The following DLG2 variants were observed in gnomAD, a reference collection of about 807,000 sequenced individuals.
The protein encoded by DLG2 is disks large homolog 2.
In DLG2, 45 loss-of-function variants were observed where a neutral mutation model predicts 132.5. The observed-to-expected ratio is 0.34, with a 90% CI of 0.27 to 0.44. DLG2 has a LOEUF of 0.44. Ranked by LOEUF, DLG2 falls within the 20% of genes least tolerant of loss-of-function variation. The probability of loss-of-function intolerance (pLI) is 1.00; values close to 1 mark genes in which losing one functional copy is unlikely to be tolerated. For synonymous variants in DLG2, 424 were observed against 419.6 expected (o/e 1.01, Z -0.13); for missense variants, 1,045 against 1,196.9 (o/e 0.87, Z 1.87).
At chr11:84,187,035 A>G (rs889473218) in intron 8 of DLG2, among the ~76,000 whole-genome samples, 3 of 151,616 alleles carry the variant, frequency 2.0e-5, no homozygotes, top group Non-Finnish European at 4.4e-5. Context: ...AATAAAGTAC[A>G]CTTCACACTG....
chr11:85,159,514 G>T (rs1594936482), intron 4 of DLG2, among the ~76,000 whole-genome samples: 2 of 152,168 alleles, frequency 1.3e-5, no homozygotes, highest in Non-Finnish European at 1.5e-5. Flanking sequence ...AAGATGCAGG[G>T]GTGGCAATTC....
chr11:84,646,329 A>G (rs1167584800), intron 6 of DLG2, among the ~76,000 whole-genome samples: 1 of 151,600 alleles, frequency 6.6e-6, no homozygotes, highest in East Asian at 1.9e-4. Context: ...GAAAAGAAGG[A>G]CTTTTCGAAG....
intron 9 of DLG2, among the ~76,000 whole-genome samples, chr11:84,138,480 C>T (rs2094696805): frequency 1.3e-5 from 2 of 152,166 alleles, no homozygotes; most frequent in Admixed American, 6.5e-5. Flanking sequence ...TCGATCAAAC[C>T]AAACAGGCTG....
chr11:83,931,997 T>G (rs1489946379), intron 14 of DLG2, among the ~76,000 whole-genome samples: 1 of 152,246 alleles, frequency 6.6e-6, no homozygotes. Context: ...TGTTATTTTG[T>G]ACATTCACTG....
At chr11:85,541,104 T>C (rs946473416) in intron 3 of DLG2, among the ~76,000 whole-genome samples, 2 of 152,186 alleles carry the variant, frequency 1.3e-5, no homozygotes, top group Non-Finnish European at 2.9e-5. Flanking sequence ...TCTTTCCAGG[T>C]CCATAAGGCG....
At chr11:84,325,354 T>A (rs2098425373) in intron 7 of DLG2, among the ~76,000 whole-genome samples, 1 of 152,044 alleles carries the variant, frequency 6.6e-6, no homozygotes, top group South Asian at 2.1e-4. Context: ...ATGCTATTCC[T>A]CCCCCAACCC....
intron 6 of DLG2, among the ~76,000 whole-genome samples, chr11:84,809,286 C>A (rs1376961806): frequency 6.6e-6 from 1 of 151,830 alleles, no homozygotes; most frequent in East Asian, 1.9e-4. Flanking sequence ...ACTTTCTCAA[C>A]TCAATAAAGT....
At chr11:84,177,203 G>A (rs534527575) in intron 8 of DLG2, among the ~76,000 whole-genome samples, 4 of 152,004 alleles carry the variant, frequency 2.6e-5, no homozygotes, top group Non-Finnish European at 5.9e-5. Flanking sequence ...GGTCTTGCTT[G>A]CCAAGTTTTC....
chr11:83,719,858 G>A (rs2087861725), intron 18 of DLG2, among the ~76,000 whole-genome samples: 1 of 152,094 alleles, frequency 6.6e-6, no homozygotes, highest in Non-Finnish European at 1.5e-5. Context: ...CAGTCAATAA[G>A]GAGACAGGAG....
intron 5 of DLG2, among the ~76,000 whole-genome samples, chr11:85,144,349 CTTTTT>C (rs35874789): frequency 7.2e-6 from 1 of 138,060 alleles, no homozygotes; most frequent in Non-Finnish European, 1.6e-5. Flanking sequence ...ATAATTGGGT[CTTTTT>C]TTTTTTTTTT....
rs1227870541 is a variant in DLG2 at position 84,873,944 on chromosome 11, AACG to A, written c.357+237714_357+237716del. Among the ~76,000 whole-genome samples the A allele has an allele frequency of 3.3e-5, 5 of 152,316 alleles. No homozygotes were observed. The South Asian group carries it at 8.3e-4, about 25-fold the overall frequency. ...TCATTTATCATGATGGTCAAATCTG[AACG>A]ACATCACCCTTCACCTTACTGATCT... On this transcript the variant is annotated intron_variant, in intron 6 of 27. Transcript: ENST00000376104.
chr11:84,157,910 A>T lies in DLG2; in HGVS notation c.624+5551T>A, dbSNP rs993719. 9.9e-3 allele frequency among the ~76,000 whole-genome samples: 1,513 copies of T among 152,312 alleles called. 8 individuals are homozygous for T. Among genetic ancestry groups the T allele is most frequent in the Non-Finnish European group, 0.015 (1,042 of 68,024 alleles). The stretch of plus-strand genomic sequence containing the variant: ...AGGAGGAGTCGTCAACTTGTTTACA[A>T]ATTGCCCAAGGGCTTTTTCTTTTCT... On this transcript the variant is annotated intron_variant, in intron 9 of 27. Coordinates refer to ENST00000376104, the MANE Select transcript of DLG2 (RefSeq NM_001142699.3).
chr11:85,226,266 G>A (rs916998999), intron 4 of DLG2, among the ~76,000 whole-genome samples: 1 of 151,838 alleles, frequency 6.6e-6, no homozygotes, highest in Non-Finnish European at 1.5e-5. Flanking sequence ...ATGGATGGAT[G>A]GATGGATGGA....
At chr11:85,397,693 T>C (rs1275738955) in intron 3 of DLG2, among the ~76,000 whole-genome samples, 1 of 152,154 alleles carries the variant, frequency 6.6e-6, no homozygotes, top group Non-Finnish European at 1.5e-5. Context: ...GGCCACTACA[T>C]AATGGTAAAA....
chr11:84,727,306 T>C (rs1423983559), intron 6 of DLG2, among the ~76,000 whole-genome samples: 4 of 152,236 alleles, frequency 2.6e-5, no homozygotes, highest in African/African-American at 4.8e-5. Flanking sequence ...GTCAGTTTTC[T>C]GCATATGGCT....
At chr11:84,675,611 C>T (rs1427203634) in intron 6 of DLG2, among the ~76,000 whole-genome samples, 4 of 152,038 alleles carry the variant, frequency 2.6e-5, no homozygotes, top group South Asian at 4.1e-4. Flanking sequence ...ACATAGCACT[C>T]GTTGCCTGAC....
chr11:84,179,461 T>A (rs2096061003), intron 8 of DLG2, among the ~76,000 whole-genome samples: 1 of 152,004 alleles, frequency 6.6e-6, no homozygotes, highest in African/African-American at 2.4e-5. Context: ...AGTGCCAGGG[T>A]AGAAAAACCT....
chr11:83,965,643 A>G (rs1324075195), intron 12 of DLG2, among the ~76,000 whole-genome samples, 175 bp from the exon 13 acceptor site: 1 of 151,978 alleles, frequency 6.6e-6, no homozygotes, highest in Non-Finnish European at 1.5e-5. Flanking sequence ...ATGATTCTAT[A>G]AAATAAGGTT....
chr11:84,252,163 T>TTTTTTTTTTTTTTTTTTTTTTTTTTTTC (rs1329588995), intron 7 of DLG2, among the ~76,000 whole-genome samples: 1 of 140,744 alleles, frequency 7.1e-6, no homozygotes, highest in Non-Finnish European at 1.5e-5. Context: ...TTTTTTTTTT[T>TTTTTTTTTTTTTTTTTTTTTTTTTTTTC]TTTTGAGATG....
Sources: allele counts gnomAD v4.1 joint callset (sites outside exome capture counted in the v4.1 genomes callset), GRCh38; gene constraint gnomAD v4.1.1; transcripts MANE v1.5; gene names NCBI Gene and HGNC (gene_info 2026-07-23, HGNC 2026-07-21).